Variants in AFF1 observed in about 807,000 individuals in gnomAD.
The protein encoded by AFF1 is AF4/FMR2 family member 1.
AFF1 carries 48 observed loss-of-function variants against 121.7 expected under a neutral mutation model. The ratio of observed to expected loss-of-function variants is 0.39; its 90% confidence interval spans 0.31 to 0.50. The LOEUF (loss-of-function observed/expected upper bound fraction) is 0.50. Ranked by LOEUF, AFF1 falls within the 20% of genes least tolerant of loss-of-function variation. The pLI is 0.76. For synonymous variants in AFF1, 613 were observed against 563.0 expected (o/e 1.09, Z -1.26); for missense variants, 1,523 against 1,511.7 (o/e 1.01, Z -0.12).
At chr4:87,113,639 G>T (rs914900019) in intron 11 of AFF1, among the ~76,000 whole-genome samples, 2 of 152,102 alleles carry the variant, frequency 1.3e-5, no homozygotes, top group Non-Finnish European at 2.9e-5. Flanking sequence ...CTTTATCAAG[G>T]TATAAAAATT....
At chr4:86,961,941 A>C (rs1722183357) in intron 2 of AFF1, among the ~76,000 whole-genome samples, 1 of 152,174 alleles carries the variant, frequency 6.6e-6, no homozygotes, top group African/African-American at 2.4e-5. Flanking sequence ...ACGAGATATG[A>C]AATTGTCCTT....
Position 87,126,167 on chromosome 4 carries a change from C to T in AFF1, c.2642C>T (p.Ser881Phe). ...MLPPPPVSSS[S>F]QKPAKPALKR... ...CCCCCGCCACCCGTGTCCTCGTCCT[C>T]CCAGAAGCCAGCCAAGCCTGCACTT... is the stretch of plus-strand genomic sequence containing the variant. The change falls in exon 14 of 21, where the codon TCC (serine) becomes TTC (phenylalanine). Residue 881 changes from serine to phenylalanine, a missense_variant. Around this residue, in one of 5 missense-constraint regions of AFF1, gnomAD observed 905 missense variants for 842.5 expected, o/e 1.07. Coordinates refer to ENST00000395146, the MANE Select transcript of AFF1 (RefSeq NM_001166693.3). The T allele has an allele frequency of 6.2e-7, 1 of 1,614,166 alleles. No homozygotes were observed. Among genetic ancestry groups the T allele is most frequent in the South Asian group, 1.1e-5 (1 of 91,076 alleles).
intron 4 of AFF1, among the ~76,000 whole-genome samples, chr4:87,073,280 C>CAAAAAAAAAAAAAAAAAAAAAAAAAA (rs55821662): frequency 1.2e-5 from 1 of 83,672 alleles, no homozygotes; most frequent in African/African-American, 5.2e-5. Context: ...GCATTAAAGC[C>CAAAAAAAAAAAAAAAAAAAAAAAAAA]AAAAAAAAAA....
At chr4:87,008,236 TCA>T (rs1253831959) in intron 2 of AFF1, among the ~76,000 whole-genome samples, 7 of 152,340 alleles carry the variant, frequency 4.6e-5, no homozygotes, top group Non-Finnish European at 7.3e-5. Context: ...CAGTTTGGTC[TCA>T]CATATTTAAA....
Position 87,127,062 on chromosome 4 carries a change from C to T in AFF1, c.2848C>T (p.Pro950Ser), listed in dbSNP as rs140324645. 1.7e-4 allele frequency: 278 copies of T among 1,613,448 alleles called. No homozygotes were observed. The African/African-American group carries it at 3.2e-3, about 19-fold the overall frequency. The change falls in exon 15 of 21, where the codon CCT becomes TCT. Residue 950 changes from proline to serine, a missense_variant. Pro to Ser is a moderately conservative substitution (Grantham distance 74, BLOSUM62 -1). Transcript: ENST00000395146. ...SGDTANPFPVPSLPNGNSKPG... is the reference protein window; with the variant it reads ...SGDTANPFPVSSLPNGNSKPG... ...AGATACTGCAAATCCTTTTCCAGTG[C>T]CTTCTTTGCCAAATGGTAACTCTAA...
At chr4:86,940,625 C>A (rs2149440654) in intron 1 of AFF1, among the ~76,000 whole-genome samples, 1 of 152,176 alleles carries the variant, frequency 6.6e-6, no homozygotes, top group East Asian at 1.9e-4. Context: ...GTCTTGAACT[C>A]CTGACCTCAG....
intron 6 of AFF1, among the ~76,000 whole-genome samples, chr4:87,090,811 T>C (rs1724221827): frequency 6.6e-6 from 1 of 151,252 alleles, no homozygotes; most frequent in South Asian, 2.1e-4. Context: ...TCCAGGAGTT[T>C]AAGACCAGCC....
intron 20 of AFF1, 92 bp from the exon 21 acceptor site, chr4:87,135,488 A>G (rs1729222279): frequency 2.3e-6 from 3 of 1,331,248 alleles, no homozygotes; most frequent in Admixed American, 2.8e-5. Flanking sequence ...GTGGGGACCT[A>G]CCTTCTGGAA....
intron 8 of AFF1, among the ~76,000 whole-genome samples, chr4:87,095,694 C>G (rs2149724850): frequency 6.6e-6 from 1 of 152,164 alleles, no homozygotes; most frequent in South Asian, 2.1e-4. Flanking sequence ...TTATTAAGGC[C>G]AGTAAGTCCA....
rs1440683642 is a variant in AFF1, at chr4:87,046,699, CA to C, written c.168del (p.Gly57ValfsTer18). The C allele has an allele frequency of 6.3e-7, 1 of 1,596,950 alleles. No individual in the cohort carries two copies. Among genetic ancestry groups the C allele is most frequent in the African/African-American group, 1.4e-5 (1 of 73,998 alleles). On this transcript the variant is annotated frameshift_variant, in exon 4 of 21. Coordinates refer to ENST00000395146, the MANE Select transcript of AFF1 (RefSeq NM_001166693.3). LOFTEE classifies it high-confidence loss of function. ...CAAATTCTCCTTTTTTTTCAGACAG[CA>C]AAAGGTGATGAGCTGTCTAGTCGAA... ...IPLFGEPYKT[A>X]KGDELSSRIQ...
intron 2 of AFF1, among the ~76,000 whole-genome samples, chr4:87,005,189 C>G (rs1270831757): frequency 1.3e-5 from 2 of 152,192 alleles, no homozygotes; most frequent in Non-Finnish European, 2.9e-5. Context: ...GTTGTCCAGG[C>G]TCTGGTATCA....
At chr4:87,031,698 C>G (rs1412061446) in intron 2 of AFF1, among the ~76,000 whole-genome samples, 1 of 152,128 alleles carries the variant, frequency 6.6e-6, no homozygotes, top group Non-Finnish European at 1.5e-5. Context: ...ATTTTATAAA[C>G]AGGTCTTATA....
intron 2 of AFF1, among the ~76,000 whole-genome samples, chr4:86,977,878 G>A (rs1015514057): frequency 6.6e-6 from 1 of 152,190 alleles, no homozygotes; most frequent in Non-Finnish European, 1.5e-5. Context: ...ATGGGAGAGT[G>A]TTTTCTTTGT....
intron 1 of AFF1, among the ~76,000 whole-genome samples, chr4:86,941,959 T>G (rs540622961): frequency 6.6e-6 from 1 of 152,022 alleles, no homozygotes; most frequent in African/African-American, 2.4e-5. Context: ...TTTTTTTTCC[T>G]TATAAATTGG....
chr4:86,948,358 A>T (rs1721017200), intron 1 of AFF1, 140 bp from the exon 2 acceptor site: 1 of 561,560 alleles, frequency 1.8e-6, no homozygotes, highest in Admixed American at 3.1e-5. Context: ...TGTTCATACA[A>T]CTTGGGAATT....
chr4:87,005,701 T>C (rs986852507), intron 2 of AFF1, among the ~76,000 whole-genome samples: 1 of 152,250 alleles, frequency 6.6e-6, no homozygotes, highest in Non-Finnish European at 1.5e-5. Context: ...TACTTCCCAT[T>C]TTATCACAAA....
chr4:86,958,930 G>A (rs888145642), intron 2 of AFF1, among the ~76,000 whole-genome samples: 25 of 152,122 alleles, frequency 1.6e-4, no homozygotes, highest in African/African-American at 3.6e-4. Flanking sequence ...CTATTAATGC[G>A]TTTAACTTGT....
At chr4:86,986,768 TTAATATTACATTAATATTAAG>T (rs1464934892) in intron 2 of AFF1, among the ~76,000 whole-genome samples, 1 of 152,196 alleles carries the variant, frequency 6.6e-6, no homozygotes, top group Non-Finnish European at 1.5e-5. Context: ...GGAAATTTTA[TTAATATTACATTAATATTAAG>T]TAATATTACA....
intron 11 of AFF1, among the ~76,000 whole-genome samples, chr4:87,113,765 CTG>C (rs1247316788): frequency 6.6e-6 from 1 of 152,132 alleles, no homozygotes; most frequent in East Asian, 1.9e-4. Flanking sequence ...CTTTGGAAGA[CTG>C]AGGCAGGAGG....
Sources: gnomAD v4.1 joint callset for allele counts (sites outside exome capture counted in the v4.1 genomes callset) on GRCh38, gnomAD v4.1.1 for gene constraint, gnomAD v4.1.1 regional missense constraint, MANE v1.5 for transcripts, NCBI Gene and HGNC (gene_info 2026-07-23, HGNC 2026-07-21) for gene names.